The following TEX14 variants were observed in gnomAD, a reference collection of about 807,000 sequenced individuals.
TEX14 encodes the protein testis expressed 14, intercellular bridge forming factor, also known as inactive serine/threonine-protein kinase TEX14.
A neutral mutation model predicts 178.6 loss-of-function variants in TEX14; 168 were observed. That is an observed-to-expected ratio of 0.94 (90% CI 0.83 to 1.07). TEX14 has a LOEUF of 1.07. Among genes scored for constraint, TEX14 ranks in the 50% least tolerant of loss-of-function variants. TEX14 has a pLI of 0.00. For missense variants in TEX14, 1,730 were observed against 1,753.6 expected, an observed-to-expected ratio of 0.99 and a Z score of 0.24; for synonymous variants, 626 against 634.1, an observed-to-expected ratio of 0.99 and a Z score of 0.19.
intron 15 of TEX14, among the ~76,000 whole-genome samples, chr17:58,590,794 A>G (rs1419762061): frequency 6.6e-6 from 1 of 151,870 alleles, no homozygotes; most frequent in Non-Finnish European, 1.5e-5. Flanking sequence ...GGCTCAAGTG[A>G]TCTGCCTGTC....
chr17:58,581,966 A>G (rs1388953395), intron 19 of TEX14, among the ~76,000 whole-genome samples: 1 of 152,168 alleles, frequency 6.6e-6, no homozygotes, highest in Non-Finnish European at 1.5e-5. Flanking sequence ...GAGCCTCAGC[A>G]TCATCATCTG....
chr17:58,564,075 C>T (rs1232822052), intron 28 of TEX14: 4 of 152,060 alleles, frequency 2.6e-5, no homozygotes, highest in African/African-American at 9.7e-5. Context: ...AACCCTTGTG[C>T]ACTGTTGGTG....
intron 2 of TEX14, among the ~76,000 whole-genome samples, chr17:58,641,308 G>T (rs1823910156): frequency 6.6e-6 from 1 of 151,754 alleles, no homozygotes; most frequent in Non-Finnish European, 1.5e-5. Flanking sequence ...TACTCGGGAG[G>T]CTGAGGCAGG....
At chr17:58,684,898 C>A (rs763894670) in intron 1 of TEX14, among the ~76,000 whole-genome samples, 12 of 151,996 alleles carry the variant, frequency 7.9e-5, no homozygotes, top group Non-Finnish European at 1.6e-4. Context: ...ATTGCTTGAA[C>A]CCTCAAGACA....
intron 10 of TEX14, among the ~76,000 whole-genome samples, chr17:58,608,081 A>C (rs2045653096): frequency 6.6e-6 from 1 of 152,104 alleles, no homozygotes; most frequent in African/African-American, 2.4e-5. Flanking sequence ...CCAGGAGTTC[A>C]AGTCCAGCCT....
intron 2 of TEX14, among the ~76,000 whole-genome samples, chr17:58,635,191 G>A (rs192856717): frequency 1.3e-5 from 2 of 151,908 alleles, no homozygotes; most frequent in Non-Finnish European, 2.9e-5. Context: ...CTGTTGCTAT[G>A]AGTAATAAAC....
intron 19 of TEX14, among the ~76,000 whole-genome samples, chr17:58,582,650 G>A (rs541949806): frequency 2.7e-5 from 4 of 147,334 alleles, no homozygotes; most frequent in South Asian, 2.2e-4. Flanking sequence ...TGCAGCCTCC[G>A]CCTCTGGGGT....
intron 1 of TEX14, 112 bp from the exon 2 acceptor site, chr17:58,652,114 A>G: frequency 1.3e-6 from 1 of 746,512 alleles, no homozygotes; most frequent in Non-Finnish European, 2.0e-6. Context: ...AATAATGAAG[A>G]TTAGGGGAAT....
chr17:58,561,468 A>G, intron 29 of TEX14, 52 bp downstream of exon 29: 6 of 1,271,426 alleles, frequency 4.7e-6, no homozygotes, highest in Non-Finnish European at 5.7e-6. Context: ...TCTAAAACCT[A>G]GCCCCACTTC....
At chr17:58,660,752 G>A in intron 1 of TEX14, 1 of 781,240 alleles carries the variant, frequency 1.3e-6, no homozygotes, top group South Asian at 1.3e-5. Context: ...TCCCTGATCT[G>A]GTAACACTCC....
At chr17:58,581,119 C>T (rs185090205) in intron 19 of TEX14, among the ~76,000 whole-genome samples, 30 of 151,908 alleles carry the variant, frequency 2.0e-4, no homozygotes, top group East Asian at 5.8e-4. Context: ...GAGACCAGCC[C>T]GACCAACATG....
In TEX14 at chr17:58,630,598, C is replaced by T. The variant is rs1232390822; in HGVS notation, c.137-44G>A. 3 of 1,409,378 alleles carry T rather than the reference C, an allele frequency of 2.1e-6. No individual in the cohort carries two copies. The Admixed American group carries it at 5.1e-5, about 24-fold the overall frequency. 87.3% of individuals were successfully genotyped at this position (1,409,378 alleles called of 1,614,324 possible). On this transcript the variant is annotated intron_variant, in intron 2 of 31. Transcript: ENST00000349033. ...AATCAATGCAAATATCAGAAAATTT[C>T]CTGAGAAGGAACTGGGTAGGGGGTG...
chr17:58,676,663 A>C (rs917582597), intron 1 of TEX14, among the ~76,000 whole-genome samples: 1 of 152,174 alleles, frequency 6.6e-6, no homozygotes, highest in African/African-American at 2.4e-5. Context: ...AATGAATTTC[A>C]ATTCTATAGT....
intron 29 of TEX14, among the ~76,000 whole-genome samples, chr17:58,560,398 T>C (rs1192775047): frequency 1.3e-5 from 2 of 152,206 alleles, no homozygotes; most frequent in African/African-American, 4.8e-5. Context: ...CCGCCCCCGT[T>C]CAAATGCCCA....
At chr17:58,631,214 C>G (rs1423813286) in intron 2 of TEX14, 3 of 888,708 alleles carry the variant, frequency 3.4e-6, no homozygotes, top group South Asian at 5.2e-5. Flanking sequence ...GTAATGCCAG[C>G]TCTTTGGGAA....
intron 1 of TEX14, among the ~76,000 whole-genome samples, chr17:58,688,829 TG>T (rs2047644449): frequency 6.6e-6 from 1 of 152,224 alleles, no homozygotes; most frequent in African/African-American, 2.4e-5. Flanking sequence ...GGGAGATTAC[TG>T]AAGTATCCAG....
intron 24 of TEX14, among the ~76,000 whole-genome samples, chr17:58,571,272 G>A (rs1370883466): frequency 1.6e-5 from 2 of 126,472 alleles, no homozygotes; most frequent in African/African-American, 6.1e-5. Context: ...GTCTCACTCT[G>A]TCGCCCAGGC....
chr17:58,603,170 C>A (rs936462683), intron 11 of TEX14, among the ~76,000 whole-genome samples: 2 of 152,048 alleles, frequency 1.3e-5, no homozygotes, highest in Non-Finnish European at 2.9e-5. Flanking sequence ...GTGTCAGCAA[C>A]ATGTACACAT....
At chr17:58,597,099 C>T (rs925964284) in intron 14 of TEX14, among the ~76,000 whole-genome samples, 6 of 151,992 alleles carry the variant, frequency 3.9e-5, no homozygotes, top group African/African-American at 1.4e-4. Context: ...CCTGTATAGG[C>T]AATAAAAGGG....
Sources: gnomAD v4.1 joint callset for allele counts (sites outside exome capture counted in the v4.1 genomes callset) on GRCh38, gnomAD v4.1.1 for gene constraint, MANE v1.5 for transcripts, NCBI Gene and HGNC (gene_info 2026-07-23, HGNC 2026-07-21) for gene names.